Variants in ADGRL3 observed in about 807,000 individuals in gnomAD.
ADGRL3 encodes calcium-independent alpha-latrotoxin receptor 3.
In ADGRL3, 62 loss-of-function variants were observed where a neutral mutation model predicts 153.5. That is an observed-to-expected ratio of 0.40 (90% CI 0.33 to 0.50). ADGRL3 has a LOEUF of 0.50. Ranked by LOEUF, ADGRL3 falls within the 20% of genes least tolerant of loss-of-function variation. ADGRL3 has a pLI of 0.47. For missense variants in ADGRL3, 1,641 were observed against 1,859.4 expected (o/e 0.88, Z 2.16); for synonymous variants, 710 against 672.5 (o/e 1.06, Z -0.86).
At chr4:61,565,952 A>G (rs2098814652) in intron 4 of ADGRL3, among the ~76,000 whole-genome samples, 1 of 152,198 alleles carries the variant, frequency 6.6e-6, no homozygotes, top group Admixed American at 6.5e-5. Context: ...GAAATATACC[A>G]AGTTTTTCTT....
Position 61,998,155 on chromosome 4 carries a change from A to C in ADGRL3, c.3304-19A>C. On this transcript the variant is annotated intron_variant, in intron 20 of 26. Transcript: ENST00000683033. Reference sequence around the variant, plus strand: ...TCCTACTCCAATTATGCTACATAACACTACCTTTTGCATTCCAGCTTAATG... The same window carrying C: ...TCCTACTCCAATTATGCTACATAACCCTACCTTTTGCATTCCAGCTTAATG... The C allele has an allele frequency of 1.4e-6, 2 of 1,391,296 alleles. No individual in the cohort carries two copies. The highest frequency in any genetic ancestry group is 2.6e-5 in the South Asian group (2 of 76,430). The allele number at this position is 1,391,296 out of a possible 1,614,324, so 86.2% of individuals were successfully genotyped here. A position where few individuals can be genotyped will look rare whatever the true frequency, so the allele number is the denominator to read the frequency against.
chr4:61,574,976 A>G (rs1277818009), intron 4 of ADGRL3, among the ~76,000 whole-genome samples: 1 of 151,812 alleles, frequency 6.6e-6, no homozygotes, highest in African/African-American at 2.4e-5. Flanking sequence ...TCTCGGGAAT[A>G]TTATCTTTTA....
intron 11 of ADGRL3, among the ~76,000 whole-genome samples, chr4:61,908,608 CAA>C (rs5858741): frequency 1.2e-4 from 11 of 89,692 alleles, no homozygotes; most frequent in South Asian, 3.5e-4. Context: ...AACAACGCCT[CAA>C]AAAAAAAAAA....
At chr4:61,894,193 A>G (rs1480400247) in intron 10 of ADGRL3, among the ~76,000 whole-genome samples, 1 of 152,106 alleles carries the variant, frequency 6.6e-6, no homozygotes, top group Non-Finnish European at 1.5e-5. Context: ...GAAATTCACA[A>G]CGTCTGTCAT....
chr4:62,070,508 C>T lies in ADGRL3; in HGVS notation c.4232C>T (p.Thr1411Ile). The part of the protein sequence containing the change: ...APLLPPRVYS[T>I]ENHQPHHYTR... Reference sequence around the variant, plus strand: ...TTGCTGCCCCCAAGAGTATACTCCACCGAGAACCACCAGCCACACCATTAT... The same window carrying T: ...TTGCTGCCCCCAAGAGTATACTCCATCGAGAACCACCAGCCACACCATTAT... Residue 1411 changes from threonine to isoleucine, a missense_variant, in exon 27 of 27, where the codon ACC becomes ATC. Physicochemically the swap from Thr to Ile is moderately conservative, Grantham distance 89 (BLOSUM62 -1). Around this residue, in one of 5 missense-constraint regions of ADGRL3, gnomAD observed 517 missense variants for 555.0 expected, o/e 0.93. Coordinates refer to ENST00000683033, the MANE Select transcript of ADGRL3 (RefSeq NM_001387552.1). 1 of 1,551,274 alleles carries T rather than the reference C, an allele frequency of 6.4e-7. No homozygotes were observed. The highest frequency in any genetic ancestry group is 8.7e-7 in the Non-Finnish European group (1 of 1,146,902).
intron 15 of ADGRL3, among the ~76,000 whole-genome samples, chr4:61,936,456 G>GT (rs1193789494): frequency 6.6e-6 from 1 of 151,910 alleles, no homozygotes; most frequent in African/African-American, 2.4e-5. Flanking sequence ...TTTTGAGAGT[G>GT]TTTTTGTGCT....
chr4:61,392,182 TATG>T (rs1195056227), intron 2 of ADGRL3, among the ~76,000 whole-genome samples: 4 of 151,944 alleles, frequency 2.6e-5, no homozygotes, highest in Non-Finnish European at 5.9e-5. Flanking sequence ...ATGCTACTTT[TATG>T]ATATTTTCCT....
At chr4:61,314,623 A>G (rs1418427683) in intron 1 of ADGRL3, among the ~76,000 whole-genome samples, 1 of 152,180 alleles carries the variant, frequency 6.6e-6, no homozygotes, top group Non-Finnish European at 1.5e-5. Context: ...AAGTTTTACT[A>G]ACACAGTTGC....
intron 2 of ADGRL3, among the ~76,000 whole-genome samples, chr4:61,418,444 AATT>A (rs2097168691): frequency 2.0e-5 from 3 of 151,276 alleles, no homozygotes; most frequent in East Asian, 2.1e-4. Flanking sequence ...AATGGCAGCA[AATT>A]TAGATAAAAT....
At chr4:62,032,994 A>G (rs911001570) in intron 23 of ADGRL3, among the ~76,000 whole-genome samples, 1 of 151,768 alleles carries the variant, frequency 6.6e-6, no homozygotes, top group Non-Finnish European at 1.5e-5. Context: ...TAAAAAAATA[A>G]AAACAAAATA....
intron 6 of ADGRL3, among the ~76,000 whole-genome samples, chr4:61,729,810 A>C (rs184319520): frequency 6.6e-6 from 1 of 152,188 alleles, no homozygotes; most frequent in Non-Finnish European, 1.5e-5. Context: ...TACCTTAAAA[A>C]TAATTATGGA....
At chr4:61,372,910 G>T (rs1254451225) in intron 1 of ADGRL3, among the ~76,000 whole-genome samples, 2 of 152,254 alleles carry the variant, frequency 1.3e-5, no homozygotes, top group Non-Finnish European at 2.9e-5. Flanking sequence ...TCCGAGCCAG[G>T]TGCGGGATAT....
At chr4:61,747,186 T>A (rs1174738862) in intron 8 of ADGRL3, among the ~76,000 whole-genome samples, 1 of 151,662 alleles carries the variant, frequency 6.6e-6, no homozygotes, top group Non-Finnish European at 1.5e-5. Flanking sequence ...AATAGACCAA[T>A]AACAGGCTCT....
At chr4:61,930,355 G>C (rs965875199) in intron 13 of ADGRL3, among the ~76,000 whole-genome samples, 1 of 152,096 alleles carries the variant, frequency 6.6e-6, no homozygotes, top group African/African-American at 2.4e-5. Flanking sequence ...GATAAGAAGT[G>C]CCACTCATGT....
chr4:61,463,329 A>G (rs918382724), intron 2 of ADGRL3, among the ~76,000 whole-genome samples: 2 of 152,154 alleles, frequency 1.3e-5, no homozygotes, highest in Non-Finnish European at 2.9e-5. Context: ...AAGCATGGCT[A>G]GCAGGTCTCA....
chr4:61,381,842 C>T (rs900518610), intron 1 of ADGRL3, among the ~76,000 whole-genome samples: 1 of 151,740 alleles, frequency 6.6e-6, no homozygotes, highest in African/African-American at 2.4e-5. Flanking sequence ...TTTTTCCTGC[C>T]CAAGCAGTCA....
chr4:61,463,551 C>T (rs1485941593), intron 2 of ADGRL3, among the ~76,000 whole-genome samples: 2 of 152,140 alleles, frequency 1.3e-5, no homozygotes, highest in Non-Finnish European at 2.9e-5. Flanking sequence ...CTGAGAATTA[C>T]AACTGGACAT....
chr4:61,355,574 A>T (rs534258009), intron 1 of ADGRL3, among the ~76,000 whole-genome samples: 1 of 152,096 alleles, frequency 6.6e-6, no homozygotes, highest in South Asian at 2.1e-4. Context: ...ACCATTTGAA[A>T]ATTAAATTGG....
intron 9 of ADGRL3, among the ~76,000 whole-genome samples, chr4:61,820,557 A>G (rs1207023170): frequency 6.6e-6 from 1 of 152,184 alleles, no homozygotes; most frequent in African/African-American, 2.4e-5. Context: ...GGACTTTTTT[A>G]AAAAGCTTCT....
Sources: allele counts gnomAD v4.1 joint callset (sites outside exome capture counted in the v4.1 genomes callset), GRCh38; gene constraint gnomAD v4.1.1; regional missense constraint gnomAD v4.1.1; transcripts MANE v1.5; gene names NCBI Gene and HGNC (gene_info 2026-07-23, HGNC 2026-07-21).